Variants in CTDSPL observed in about 807,000 individuals in gnomAD.
CTDSPL encodes the protein CTD small phosphatase-like protein.
A neutral mutation model predicts 30.5 loss-of-function variants in CTDSPL; 8 were observed. That is an observed-to-expected ratio of 0.26 (90% confidence interval 0.15 to 0.47). CTDSPL has a LOEUF of 0.47. Ranked by LOEUF, CTDSPL falls within the 20% of genes least tolerant of loss-of-function variation. The pLI, the probability that CTDSPL is intolerant of heterozygous loss-of-function variation, is 0.99. For missense variants in CTDSPL, 248 were observed against 366.1 expected, an observed-to-expected ratio of 0.68 and a Z score of 2.63; for synonymous variants, 110 against 137.9, an observed-to-expected ratio of 0.80 and a Z score of 1.42.
chr3:37,863,101 C>T (rs1024318353), intron 1 of CTDSPL, among the ~76,000 whole-genome samples: 1 of 152,138 alleles, frequency 6.6e-6, no homozygotes, highest in Non-Finnish European at 1.5e-5. Context: ...AGAGGCAGTT[C>T]GGAGCCATCC....
Position 37,981,870 on chromosome 3 carries a change from C to T in CTDSPL, c.*1003C>T, listed in dbSNP as rs199705780. 48 of 457,172 alleles carry T rather than the reference C, an allele frequency of 1.0e-4. No homozygotes were observed. The highest frequency in any genetic ancestry group is 1.8e-4 in the Non-Finnish European group (42 of 227,104). The allele number at this position is 457,172 out of a possible 1,614,324, so 28.3% of individuals were successfully genotyped here. Reference sequence around the variant, plus strand: ...TTGGGAATTTTCCTTGCTGCTACCGCGCTGCCACCAAATGGAATTGACCAG... The same window carrying T: ...TTGGGAATTTTCCTTGCTGCTACCGTGCTGCCACCAAATGGAATTGACCAG... On this transcript the variant is annotated 3_prime_UTR_variant, in exon 8 of 8. Coordinates refer to ENST00000273179, the MANE Select transcript of CTDSPL (RefSeq NM_001008392.2).
At chr3:37,957,002 A>G (rs1286003463) in intron 2 of CTDSPL, 109 bp from the exon 3 acceptor site, 1 of 904,132 alleles carries the variant, frequency 1.1e-6, no homozygotes, top group Non-Finnish European at 1.8e-6. Flanking sequence ...CAAGGTACAG[A>G]GAATGGCAGA....
intron 6 of CTDSPL, among the ~76,000 whole-genome samples, chr3:37,974,490 G>T (rs1159573822): frequency 3.3e-5 from 5 of 152,238 alleles, no homozygotes; most frequent in Admixed American, 3.3e-4. Context: ...CCCCTTACTT[G>T]GTCTTGGTGC....
intron 1 of CTDSPL, among the ~76,000 whole-genome samples, chr3:37,869,188 G>A (rs1333163302): frequency 3.9e-5 from 6 of 151,958 alleles, no homozygotes; most frequent in Admixed American, 2.6e-4. Context: ...CATATTTATA[G>A]GGTATATAAT....
intron 1 of CTDSPL, among the ~76,000 whole-genome samples, chr3:37,926,873 C>T (rs75624065): frequency 0.011 from 1,732 of 152,226 alleles, 32 homozygotes; most frequent in African/African-American, 0.039. Context: ...GAAAGATATC[C>T]CACAGGACGA....
chr3:37,974,084 TG>T (rs1281673091), intron 6 of CTDSPL, among the ~76,000 whole-genome samples: 2 of 152,200 alleles, frequency 1.3e-5, no homozygotes, highest in Non-Finnish European at 2.9e-5. Flanking sequence ...TTAGTGATAG[TG>T]TATTTTATGT....
At chr3:37,948,470 T>C (rs887329914) in intron 2 of CTDSPL, among the ~76,000 whole-genome samples, 3 of 152,170 alleles carry the variant, frequency 2.0e-5, no homozygotes, top group Non-Finnish European at 4.4e-5. Flanking sequence ...ACAAAAGTCA[T>C]AAAACTTTAT....
chr3:37,933,739 C>A (rs539942083), intron 1 of CTDSPL, among the ~76,000 whole-genome samples: 1 of 152,310 alleles, frequency 6.6e-6, no homozygotes, highest in East Asian at 1.9e-4. Flanking sequence ...AGTCAAGATA[C>A]ATGAAGTATA....
intron 1 of CTDSPL, among the ~76,000 whole-genome samples, chr3:37,891,746 T>A (rs930860335): frequency 6.6e-6 from 1 of 152,172 alleles, no homozygotes. Context: ...CAATAAAAAA[T>A]TTTTAAAAAA....
intron 1 of CTDSPL, among the ~76,000 whole-genome samples, chr3:37,918,150 A>G (rs184272864): frequency 6.6e-6 from 1 of 152,174 alleles, no homozygotes; most frequent in Non-Finnish European, 1.5e-5. Context: ...ACTGAATAAG[A>G]TAACACACCT....
In CTDSPL at chr3:37,885,662, T is replaced by C. The variant is rs191796452; in HGVS notation, c.79+23384T>C. ...CAGTACCAGAGACTGGCAGGAAAAA[T>C]GATCTGGAAACGAAGAAGAATGCTC... On this transcript the variant is annotated intron_variant, in intron 1 of 7. Transcript: ENST00000273179. Among the ~76,000 whole-genome samples the C allele has an allele frequency of 2.9e-4, 44 of 151,730 alleles. No homozygotes were observed. The East Asian group carries it at 8.0e-3, about 28-fold the overall frequency.
intron 1 of CTDSPL, 121 bp from the exon 2 acceptor site, chr3:37,946,936 C>T: frequency 3.0e-6 from 3 of 1,012,920 alleles, no homozygotes; most frequent in South Asian, 1.9e-5. Context: ...TCCTGCTGAG[C>T]AGGCCCTCAG....
At chr3:37,927,852 C>T (rs1698803586) in intron 1 of CTDSPL, among the ~76,000 whole-genome samples, 4 of 151,964 alleles carry the variant, frequency 2.6e-5, no homozygotes, top group Admixed American at 2.6e-4. Context: ...TCATTTCCCC[C>T]TCCTCCCAGC....
chr3:37,884,162 A>G (rs1698238823), intron 1 of CTDSPL, among the ~76,000 whole-genome samples: 1 of 152,226 alleles, frequency 6.6e-6, no homozygotes, highest in Non-Finnish European at 1.5e-5. Context: ...GATTACCTAT[A>G]ATAGCAAAAA....
chr3:37,946,379 C>G (rs1025359305), intron 1 of CTDSPL, among the ~76,000 whole-genome samples: 1 of 152,190 alleles, frequency 6.6e-6, no homozygotes, highest in Admixed American at 6.5e-5. Flanking sequence ...GCTGGCCCTA[C>G]TTGGGCAGGA....
intron 1 of CTDSPL, among the ~76,000 whole-genome samples, chr3:37,902,441 A>G (rs1698461227): frequency 6.6e-6 from 1 of 152,042 alleles, no homozygotes; most frequent in Non-Finnish European, 1.5e-5. Flanking sequence ...TCCGTTTTCC[A>G]TGGGTCTCTG....
intron 1 of CTDSPL, among the ~76,000 whole-genome samples, chr3:37,870,336 G>C (rs1698058320): frequency 6.6e-6 from 1 of 152,032 alleles, no homozygotes; most frequent in Non-Finnish European, 1.5e-5. Flanking sequence ...TGTCAAATTT[G>C]TGTGTATAGA....
intron 2 of CTDSPL, among the ~76,000 whole-genome samples, chr3:37,951,175 G>C (rs942267988): frequency 6.6e-6 from 1 of 151,698 alleles, no homozygotes. Flanking sequence ...AGACCATCCT[G>C]GCTAACACAG....
intron 1 of CTDSPL, among the ~76,000 whole-genome samples, chr3:37,881,266 CA>C (rs1427828494): frequency 6.6e-6 from 1 of 152,116 alleles, no homozygotes; most frequent in Non-Finnish European, 1.5e-5. Context: ...CAGTGGCTCA[CA>C]CCTGTAATCC....
Sources: gnomAD v4.1 joint callset for allele counts (sites outside exome capture counted in the v4.1 genomes callset) on GRCh38, gnomAD v4.1.1 for gene constraint, MANE v1.5 for transcripts, NCBI Gene and HGNC (gene_info 2026-07-23, HGNC 2026-07-21) for gene names.